Variants in ADCY2 observed in about 807,000 individuals in gnomAD.
ADCY2 encodes adenylate cyclase type 2.
A neutral mutation model predicts 125.2 loss-of-function variants in ADCY2; 31 were observed. The ratio of observed to expected loss-of-function variants is 0.25; its 90% CI spans 0.19 to 0.33. The LOEUF (loss-of-function observed/expected upper bound fraction) is 0.33, where lower values mean the gene tolerates loss of function less well. ADCY2 is among the 10% of genes least tolerant of loss of function. The probability of loss-of-function intolerance (pLI) is 1.00; values close to 1 mark genes in which losing one functional copy is unlikely to be tolerated. For missense variants in ADCY2, 904 were observed against 1,418.2 expected (o/e 0.64, Z 5.82); for synonymous variants, 512 against 548.4 (o/e 0.93, Z 0.93).
chr5:7,666,672 C>T (rs1739768099), intron 4 of ADCY2, among the ~76,000 whole-genome samples: 2 of 152,200 alleles, frequency 1.3e-5, no homozygotes, highest in South Asian at 2.1e-4. Flanking sequence ...CTTCAGCCCC[C>T]ATTATCTGGT....
At chr5:7,633,608 A>G (rs1486027555) in intron 4 of ADCY2, among the ~76,000 whole-genome samples, 1 of 152,210 alleles carries the variant, frequency 6.6e-6, no homozygotes, top group Non-Finnish European at 1.5e-5. Context: ...ACCTTCTAGA[A>G]GTTTTCTCTG....
intron 18 of ADCY2, among the ~76,000 whole-genome samples, chr5:7,773,509 G>GC (rs1422291270): frequency 6.6e-6 from 1 of 152,128 alleles, no homozygotes; most frequent in African/African-American, 2.4e-5. Context: ...AGTCTCTTCT[G>GC]CCCCAAGTCA....
chr5:7,817,155 A>C (rs911990208), intron 23 of ADCY2, among the ~76,000 whole-genome samples, 175 bp downstream of exon 23: 11 of 152,044 alleles, frequency 7.2e-5, no homozygotes, highest in African/African-American at 2.7e-4. Flanking sequence ...GAAAAAAAAA[A>C]ACCCTTTGAT....
intron 24 of ADCY2, among the ~76,000 whole-genome samples, chr5:7,823,078 T>A (rs1042717978): frequency 6.6e-6 from 1 of 152,216 alleles, no homozygotes; most frequent in Non-Finnish European, 1.5e-5. Flanking sequence ...CCTTTCATAT[T>A]TACCCCATCT....
chr5:7,494,981 G>T (rs1743296443), intron 2 of ADCY2, among the ~76,000 whole-genome samples: 1 of 152,100 alleles, frequency 6.6e-6, no homozygotes, highest in Admixed American at 6.6e-5. Flanking sequence ...CCCAAGGCTT[G>T]GCCACACCCT....
chr5:7,598,601 G>A (rs943832086), intron 3 of ADCY2, among the ~76,000 whole-genome samples: 1 of 152,196 alleles, frequency 6.6e-6, no homozygotes, highest in Non-Finnish European at 1.5e-5. Flanking sequence ...CTGACCTGAA[G>A]GCAGTGGAGA....
chr5:7,568,369 A>G lies in ADCY2; in HGVS notation c.570+47470A>G, dbSNP rs116002469. Among the ~76,000 whole-genome samples, 63 of 152,352 alleles carry G rather than the reference A, an allele frequency of 4.1e-4. 1 individual carries two copies. The highest frequency in any genetic ancestry group is 1.5e-3 in the African/African-American group (62 of 41,588). The stretch of plus-strand genomic sequence containing the variant: ...ATCCTTAGTAAGATATATTTAAAAG[A>G]AAGTTGAAGAAGCATATGGTATTAT... On this transcript the variant is annotated intron_variant, in intron 3 of 24. Transcript: ENST00000338316.
At chr5:7,431,066 G>A (rs776318942) in intron 2 of ADCY2, among the ~76,000 whole-genome samples, 80 of 152,152 alleles carry the variant, frequency 5.3e-4, no homozygotes, top group Non-Finnish European at 9.6e-4. Context: ...GTTCTAAAAT[G>A]TATATGGAAA....
intron 16 of ADCY2, 37 bp downstream of exon 16, chr5:7,757,623 GC>G: frequency 6.2e-7 from 1 of 1,602,224 alleles, no homozygotes; most frequent in Non-Finnish European, 8.5e-7. Context: ...AACATGGTAA[GC>G]CCCAGAGCAT....
At chr5:7,815,398 A>G (rs1745077284) in intron 22 of ADCY2, among the ~76,000 whole-genome samples, 1 of 152,136 alleles carries the variant, frequency 6.6e-6, no homozygotes, top group Non-Finnish European at 1.5e-5. Context: ...CTGGGACCGC[A>G]TGTCATTGAA....
At chr5:7,619,057 G>A (rs768080648) in intron 3 of ADCY2, among the ~76,000 whole-genome samples, 11 of 152,100 alleles carry the variant, frequency 7.2e-5, no homozygotes, top group South Asian at 6.2e-4. Context: ...GAAATACGCA[G>A]GTCAAACATC....
At chr5:7,601,327 A>C (rs933100760) in intron 3 of ADCY2, among the ~76,000 whole-genome samples, 6 of 152,184 alleles carry the variant, frequency 3.9e-5, no homozygotes, top group African/African-American at 1.4e-4. Context: ...AAAGAAAAAA[A>C]AACTGTGGAG....
chr5:7,633,197 G>A (rs1452434278), intron 4 of ADCY2, among the ~76,000 whole-genome samples: 7 of 151,882 alleles, frequency 4.6e-5, no homozygotes, highest in African/African-American at 7.3e-5. Flanking sequence ...TTGGGAGGCC[G>A]AGGCGGGCGG....
chr5:7,633,580 G>A (rs1738398384), intron 4 of ADCY2, among the ~76,000 whole-genome samples: 1 of 152,138 alleles, frequency 6.6e-6, no homozygotes, highest in African/African-American at 2.4e-5. Flanking sequence ...CAGTAGAAAA[G>A]CCAAATGATA....
chr5:7,800,185 G>A (rs1302612010), intron 20 of ADCY2: 3 of 152,206 alleles, frequency 2.0e-5, no homozygotes, highest in Non-Finnish European at 4.4e-5. Flanking sequence ...TCTAGTACCA[G>A]CCTCACAGGG....
intron 3 of ADCY2, among the ~76,000 whole-genome samples, chr5:7,548,956 G>A (rs1236693718): frequency 2.0e-5 from 3 of 152,178 alleles, no homozygotes; most frequent in Admixed American, 6.5e-5. Context: ...GGGCTGAGTC[G>A]TTCATCTGCT....
At chr5:7,727,569 C>T (rs1355212831) in intron 14 of ADCY2, among the ~76,000 whole-genome samples, 3 of 152,100 alleles carry the variant, frequency 2.0e-5, no homozygotes, top group Non-Finnish European at 4.4e-5. Context: ...GCCCAATAAA[C>T]TTTACCCACA....
At chr5:7,477,635 A>G (rs1385194021) in intron 2 of ADCY2, among the ~76,000 whole-genome samples, 1 of 152,158 alleles carries the variant, frequency 6.6e-6, no homozygotes, top group Non-Finnish European at 1.5e-5. Context: ...TTTTCTTTAG[A>G]TAACTTTTGA....
chr5:7,569,654 C>T (rs542474093), intron 3 of ADCY2, among the ~76,000 whole-genome samples: 4 of 152,098 alleles, frequency 2.6e-5, no homozygotes, highest in Non-Finnish European at 4.4e-5. Flanking sequence ...TTTTCATATT[C>T]CATTTGCCTA....
Sources: gnomAD v4.1 joint callset for allele counts (sites outside exome capture counted in the v4.1 genomes callset) on GRCh38, gnomAD v4.1.1 for gene constraint, MANE v1.5 for transcripts, NCBI Gene and HGNC (gene_info 2026-07-23, HGNC 2026-07-21) for gene names.